Variants in ST8SIA1 observed in about 807,000 individuals in gnomAD.
The protein encoded by ST8SIA1 is alpha-N-acetylneuraminide alpha-2,8-sialyltransferase.
Under a neutral mutation model 35.9 loss-of-function variants are expected in ST8SIA1, and 16 were observed. The observed-to-expected ratio is 0.45, with a 90% CI of 0.30 to 0.68. ST8SIA1 has a LOEUF of 0.68. Among genes scored for constraint, ST8SIA1 ranks in the 30% least tolerant of loss-of-function variants. The pLI, the probability that ST8SIA1 is intolerant of heterozygous loss-of-function variation, is 0.09. For synonymous variants in ST8SIA1, 170 were observed against 169.6 expected, an observed-to-expected ratio of 1.00 and a Z score of -0.02; for missense variants, 383 against 453.6, an observed-to-expected ratio of 0.84 and a Z score of 1.41.
At chr12:22,255,205 A>G in intron 3 of ST8SIA1, 75 bp downstream of exon 3, 1 of 1,217,312 alleles carries the variant, frequency 8.2e-7, no homozygotes, top group Non-Finnish European at 1.2e-6. Flanking sequence ...CTAGTTTTGA[A>G]AAGCCCCAGG....
intron 1 of ST8SIA1, chr12:22,326,420 C>A (rs1394277225): frequency 6.6e-6 from 1 of 152,450 alleles, no homozygotes; most frequent in African/African-American, 2.4e-5. Context: ...TTAATAGGCA[C>A]AGAATTTGTC....
At chr12:22,242,859 T>A (rs1054448613) in intron 4 of ST8SIA1, among the ~76,000 whole-genome samples, 1 of 152,136 alleles carries the variant, frequency 6.6e-6, no homozygotes, top group African/African-American at 2.4e-5. Context: ...CCATAAAAAT[T>A]CAATCAGAGG....
chr12:22,278,726 A>G (rs1865998816), intron 2 of ST8SIA1, among the ~76,000 whole-genome samples: 1 of 152,166 alleles, frequency 6.6e-6, no homozygotes, highest in Non-Finnish European at 1.5e-5. Context: ...TTTTCTTAGC[A>G]AAGAGTTAAA....
chr12:22,261,731 G>A lies in ST8SIA1; in HGVS notation c.382-6342C>T, dbSNP rs898701097. On this transcript the variant is annotated intron_variant, in intron 2 of 4. Transcript: ENST00000396037. ...AGCCCCATCACTCTAAATATGAACCGGTCAGTAAGCCCATCCAGTGTGTTG... is the reference window on the plus strand; with the variant it reads ...AGCCCCATCACTCTAAATATGAACCAGTCAGTAAGCCCATCCAGTGTGTTG... Among the ~76,000 whole-genome samples the A allele has an allele frequency of 4.6e-5, 7 of 152,020 alleles. No individual in the cohort carries two copies. In the East Asian group the frequency reaches 7.7e-4, roughly 17 times the overall value.
intron 1 of ST8SIA1, among the ~76,000 whole-genome samples, chr12:22,303,363 C>G (rs902823506): frequency 6.6e-5 from 10 of 152,028 alleles, no homozygotes; most frequent in Non-Finnish European, 1.5e-4. Context: ...ACAGGGAAAG[C>G]AGGTTTCCTG....
At chr12:22,274,693 G>C (rs1183352872) in intron 2 of ST8SIA1, among the ~76,000 whole-genome samples, 1 of 152,172 alleles carries the variant, frequency 6.6e-6, no homozygotes, top group East Asian at 1.9e-4. Flanking sequence ...CACACGCCAC[G>C]CTCTATCGTG....
intron 1 of ST8SIA1, among the ~76,000 whole-genome samples, chr12:22,326,962 T>G (rs1214457462): frequency 6.6e-6 from 1 of 152,164 alleles, no homozygotes; most frequent in Non-Finnish European, 1.5e-5. Context: ...CCACATTCTA[T>G]ACTAACTTAC....
At chr12:22,223,610 G>A in intron 4 of ST8SIA1, 3 of 1,128,486 alleles carry the variant, frequency 2.7e-6, no homozygotes, top group Non-Finnish European at 3.3e-6. Context: ...AGTCTGGAGT[G>A]AGCAGCTGAA....
chr12:22,204,340 T>G (rs114371125), intron 4 of ST8SIA1, among the ~76,000 whole-genome samples: 263 of 152,376 alleles, frequency 1.7e-3, no homozygotes, highest in African/African-American at 5.8e-3. Flanking sequence ...ACATACATTG[T>G]GAAATGATTA....
chr12:22,220,956 G>A lies in ST8SIA1; in HGVS notation c.585-18918C>T, dbSNP rs553554706. ...GCCTTCAGCCCTTTTTGCTCCATCAGTACTTTTAGTGCTTTTCTACATATT... is the reference window on the plus strand; with the variant it reads ...GCCTTCAGCCCTTTTTGCTCCATCAATACTTTTAGTGCTTTTCTACATATT... On this transcript the variant is annotated intron_variant, in intron 4 of 4. Transcript: ENST00000396037. 2.0e-5 allele frequency among the ~76,000 whole-genome samples: 3 copies of A among 152,266 alleles called. No individual in the cohort carries two copies. In the East Asian group the frequency reaches 5.8e-4, roughly 29 times the overall value.
chr12:22,334,191 C>T lies in ST8SIA1; in HGVS notation c.42G>A (p.Gly14=). 4.3e-6 allele frequency: 7 copies of T among 1,613,880 alleles called. No homozygotes were observed. Among genetic ancestry groups the T allele is most frequent in the Non-Finnish European group, 5.9e-6 (7 of 1,179,908 alleles). ...ACTTCCACGCCAGTACAGCCATGGC[C>T]CCTCTGGACGTTTGTCGCCGGGCCC... The part of the protein sequence containing the change: ...CGRARRQTSR[G]AMAVLAWKFP... Residue 14 remains glycine, a synonymous_variant, in exon 1 of 5, where the codon GGG becomes GGA. Coordinates refer to ENST00000396037, the MANE Select transcript of ST8SIA1 (RefSeq NM_003034.4).
At chr12:22,316,013 A>G (rs1171892332) in intron 1 of ST8SIA1, among the ~76,000 whole-genome samples, 1 of 152,142 alleles carries the variant, frequency 6.6e-6, no homozygotes, top group Non-Finnish European at 1.5e-5. Flanking sequence ...TAAAAAAGAT[A>G]GAATTCTAAA....
chr12:22,258,159 G>A (rs1034775128), intron 2 of ST8SIA1, among the ~76,000 whole-genome samples: 6 of 152,108 alleles, frequency 3.9e-5, no homozygotes, highest in African/African-American at 7.2e-5. Flanking sequence ...AGAAATCAGC[G>A]ATGATGCCAA....
At chr12:22,287,971 T>C (rs1462406656) in intron 1 of ST8SIA1, among the ~76,000 whole-genome samples, 1 of 152,196 alleles carries the variant, frequency 6.6e-6, no homozygotes, top group Non-Finnish European at 1.5e-5. Context: ...TGATGAGCTC[T>C]ATGACTTTGA....
In ST8SIA1 at chr12:22,202,047, G is replaced by GAA. The variant is rs554718899; in HGVS notation, c.585-11_585-10dup. The GAA allele has an allele frequency of 2.1e-5, 29 of 1,392,494 alleles. No individual in the cohort carries two copies. The highest frequency in any genetic ancestry group is 4.9e-5 in the Admixed American group (2 of 40,632). 86.3% of individuals were successfully genotyped at this position (1,392,494 alleles called of 1,614,324 possible). A position where few individuals can be genotyped will look rare whatever the true frequency, so the allele number is the denominator to read the frequency against. ...ACAGAAGGTTCTGAAACCTATTGAA[G>GAA]AAAAAAAAAACTGTTCAATTAAACC... On this transcript the variant is annotated splice_polypyrimidine_tract_variant and intron_variant, in intron 4 of 4. Coordinates refer to ENST00000396037, the MANE Select transcript of ST8SIA1 (RefSeq NM_003034.4).
intron 3 of ST8SIA1, among the ~76,000 whole-genome samples, chr12:22,250,386 A>G (rs561294482): frequency 1.8e-3 from 271 of 152,380 alleles, no homozygotes; most frequent in Non-Finnish European, 3.0e-3. Flanking sequence ...ATTCAAAAAT[A>G]TCACAGGTCA....
rs1378973221 is a variant in ST8SIA1, at chr12:22,201,449, G to A, written c.*103C>T. On this transcript the variant is annotated 3_prime_UTR_variant, in exon 5 of 5. Coordinates refer to ENST00000396037, the MANE Select transcript of ST8SIA1 (RefSeq NM_003034.4). ...CATTGCTCCTTTCCTGTTTTTCCAA[G>A]GGCCCATGCAAACTCATGAAACAAC... is the stretch of plus-strand genomic sequence containing the variant. 5.6e-6 allele frequency: 8 copies of A among 1,435,056 alleles called. No individual in the cohort carries two copies. Among genetic ancestry groups the A allele is most frequent in the Non-Finnish European group, 6.5e-6 (7 of 1,074,610 alleles). 88.9% of individuals were successfully genotyped at this position (1,435,056 alleles called of 1,614,324 possible). A position where few individuals can be genotyped will look rare whatever the true frequency, so the allele number is the denominator to read the frequency against.
chr12:22,298,976 G>T (rs1866282921), intron 1 of ST8SIA1, among the ~76,000 whole-genome samples: 1 of 152,048 alleles, frequency 6.6e-6, no homozygotes, highest in Non-Finnish European at 1.5e-5. Flanking sequence ...TAGACGGAAT[G>T]AATCATTTGA....
At chr12:22,266,243 T>C (rs926828407) in intron 2 of ST8SIA1, among the ~76,000 whole-genome samples, 17 of 151,832 alleles carry the variant, frequency 1.1e-4, no homozygotes, top group African/African-American at 4.1e-4. Context: ...TCCCTACAAG[T>C]GCAAGGAATG....
Sources: gnomAD v4.1 joint callset for allele counts (sites outside exome capture counted in the v4.1 genomes callset) on GRCh38, gnomAD v4.1.1 for gene constraint, MANE v1.5 for transcripts, NCBI Gene and HGNC (gene_info 2026-07-23, HGNC 2026-07-21) for gene names.